TBC1D5: variants seen among roughly 807,000 people sequenced by gnomAD.
TBC1D5 encodes TBC1 domain family member 5, also known as TBC1 domain family, member 5.
A neutral mutation model predicts 100.3 loss-of-function variants in TBC1D5; 75 were observed. The observed-to-expected ratio is 0.75, with a 90% CI of 0.62 to 0.91. The LOEUF is 0.91. Among genes scored for constraint, TBC1D5 ranks in the 40% least tolerant of loss-of-function variants. The probability of loss-of-function intolerance (pLI) is 0.00; values close to 1 mark genes in which losing one functional copy is unlikely to be tolerated. For missense variants in TBC1D5, 910 were observed against 942.4 expected (o/e 0.97, Z 0.45); for synonymous variants, 323 against 325.6 (o/e 0.99, Z 0.09).
At chr3:17,216,820 TTA>T (rs2073697005) in intron 17 of TBC1D5, among the ~76,000 whole-genome samples, 1 of 152,144 alleles carries the variant, frequency 6.6e-6, no homozygotes, top group African/African-American at 2.4e-5. Flanking sequence ...ATTACCCCAC[TTA>T]TATGTGAATA....
intron 2 of TBC1D5, among the ~76,000 whole-genome samples, chr3:17,536,466 C>A (rs1165815752): frequency 6.6e-6 from 1 of 152,164 alleles, no homozygotes; most frequent in Non-Finnish European, 1.5e-5. Context: ...GTTGCTCCAC[C>A]ATTTTCATCA....
chr3:17,613,025 T>C (rs766402959), intron 2 of TBC1D5, among the ~76,000 whole-genome samples: 2 of 152,088 alleles, frequency 1.3e-5, no homozygotes, highest in Non-Finnish European at 2.9e-5. Flanking sequence ...CCTAATGATA[T>C]CCCTTCCCCA....
intron 17 of TBC1D5, among the ~76,000 whole-genome samples, chr3:17,226,581 G>C (rs1006166719): frequency 5.3e-5 from 8 of 152,074 alleles, no homozygotes. Flanking sequence ...CTCCAATCCA[G>C]TGACTGGTTT....
At chr3:17,446,887 C>T (rs930873975) in intron 3 of TBC1D5, among the ~76,000 whole-genome samples, 1 of 151,486 alleles carries the variant, frequency 6.6e-6, no homozygotes, top group Non-Finnish European at 1.5e-5. Context: ...AGGAGAATGG[C>T]GTGAACCTGG....
chr3:17,380,590 CA>C (rs1387076657), intron 9 of TBC1D5, among the ~76,000 whole-genome samples: 1 of 152,070 alleles, frequency 6.6e-6, no homozygotes, highest in African/African-American at 2.4e-5. Flanking sequence ...ATATTGTCAG[CA>C]TTTCTGCCTG....
At chr3:17,484,855 C>T (rs2095542588) in intron 3 of TBC1D5, among the ~76,000 whole-genome samples, 2 of 152,026 alleles carry the variant, frequency 1.3e-5, no homozygotes, top group South Asian at 4.1e-4. Flanking sequence ...ATGACAGAAT[C>T]TCTGTACTTA....
chr3:17,659,918 G>C (rs556884622), intron 1 of TBC1D5, among the ~76,000 whole-genome samples: 1 of 151,932 alleles, frequency 6.6e-6, no homozygotes, highest in Non-Finnish European at 1.5e-5. Context: ...AAAAAACCTA[G>C]TTACACATGG....
chr3:17,416,319 A>G (rs1303839219), intron 4 of TBC1D5, among the ~76,000 whole-genome samples: 2 of 152,224 alleles, frequency 1.3e-5, no homozygotes, highest in Non-Finnish European at 2.9e-5. Context: ...CAGTTAAAAC[A>G]TGGCTAGTTG....
intron 13 of TBC1D5, among the ~76,000 whole-genome samples, chr3:17,348,964 T>C (rs1276579319): frequency 1.3e-5 from 2 of 152,182 alleles, no homozygotes; most frequent in African/African-American, 2.4e-5. Flanking sequence ...CTACAAATTC[T>C]ATCATTACCT....
At chr3:17,215,734 G>A (rs1332428675) in intron 17 of TBC1D5, among the ~76,000 whole-genome samples, 1 of 152,114 alleles carries the variant, frequency 6.6e-6, no homozygotes, top group African/African-American at 2.4e-5. Context: ...AAAAGTCAGA[G>A]ATATCACAAG....
intron 18 of TBC1D5, among the ~76,000 whole-genome samples, chr3:17,186,079 C>G (rs1322338290): frequency 1.4e-5 from 2 of 147,546 alleles, no homozygotes; most frequent in Non-Finnish European, 3.0e-5. Context: ...CATCATTTAG[C>G]ATACTCTAAA....
intron 2 of TBC1D5, among the ~76,000 whole-genome samples, chr3:17,522,397 G>C (rs1176335176): frequency 1.3e-5 from 2 of 151,882 alleles, no homozygotes; most frequent in Non-Finnish European, 2.9e-5. Context: ...TGCATAAGAG[G>C]GAAAGACTAA....
At chr3:17,442,906 G>C (rs933248673) in intron 3 of TBC1D5, among the ~76,000 whole-genome samples, 1 of 151,894 alleles carries the variant, frequency 6.6e-6, no homozygotes, top group Admixed American at 6.6e-5. Flanking sequence ...AGGGACAAGG[G>C]AAGTGGGAGG....
rs11272495 is a variant in TBC1D5, at chr3:17,372,039, A to AAAACAAAC, written c.995+28_995+35dup. The AAAACAAAC allele has an allele frequency of 5.5e-3, 8,291 of 1,504,926 alleles. 359 individuals carry two copies. The African/African-American group carries it at 0.09, about 16-fold the overall frequency. 93.2% of individuals were successfully genotyped at this position (1,504,926 alleles called of 1,614,324 possible). ...GTGAAAGATGGAGACTCTGTCTCAA[A>AAAACAAAC]AAACAAACAAACAAACAAAGAACTT... On this transcript the variant is annotated intron_variant, in intron 13 of 21. Transcript: ENST00000253692.
At chr3:17,247,134 G>T (rs1197573722) in intron 16 of TBC1D5, among the ~76,000 whole-genome samples, 1 of 152,180 alleles carries the variant, frequency 6.6e-6, no homozygotes, top group East Asian at 1.9e-4. Context: ...CTGACTCCCA[G>T]TAAAAAATCC....
exon 21 of TBC1D5, chr3:17,166,795 C>T (rs780204720): frequency 6.2e-7 from 1 of 1,613,768 alleles, no homozygotes; most frequent in South Asian, 1.1e-5. Context: ...CATTTGAACG[C>T]TCTGGCCTTG....
At chr3:17,680,648 T>G (rs2069324958) in intron 1 of TBC1D5, among the ~76,000 whole-genome samples, 1 of 151,334 alleles carries the variant, frequency 6.6e-6, no homozygotes, top group Admixed American at 6.6e-5. Context: ...TGATATTGTT[T>G]TTGTTGTTAT....
chr3:17,237,778 A>G (rs1359754718), intron 17 of TBC1D5, among the ~76,000 whole-genome samples: 1 of 152,192 alleles, frequency 6.6e-6, no homozygotes, highest in Non-Finnish European at 1.5e-5. Flanking sequence ...GCACCAACGA[A>G]TGCTGTGACT....
At chr3:17,462,629 T>A (rs953253790) in intron 3 of TBC1D5, among the ~76,000 whole-genome samples, 1 of 152,120 alleles carries the variant, frequency 6.6e-6, no homozygotes, top group Non-Finnish European at 1.5e-5. Flanking sequence ...CCCTCAAATT[T>A]CTAATATTAG....
Sources: gnomAD v4.1 joint callset for allele counts (sites outside exome capture counted in the v4.1 genomes callset) on GRCh38, gnomAD v4.1.1 for gene constraint, MANE v1.5 for transcripts, NCBI Gene and HGNC (gene_info 2026-07-23, HGNC 2026-07-21) for gene names.